Variants in TMEM163 observed in about 807,000 individuals in gnomAD.
TMEM163 encodes transmembrane protein 163.
A neutral mutation model predicts 29.3 loss-of-function variants in TMEM163; 17 were observed. The observed-to-expected ratio is 0.58, with a 90% CI of 0.40 to 0.87. The LOEUF is 0.87. TMEM163 is among the 40% of genes least tolerant of loss of function. TMEM163 has a pLI of 0.00. For missense variants in TMEM163, 303 were observed against 381.5 expected (o/e 0.79, Z 1.71); for synonymous variants, 157 against 160.6 (o/e 0.98, Z 0.17).
intron 2 of TMEM163, among the ~76,000 whole-genome samples, chr2:134,595,507 G>A (rs934562427): frequency 1.3e-5 from 2 of 152,120 alleles, no homozygotes; most frequent in African/African-American, 4.8e-5. Flanking sequence ...TCTTAATCCA[G>A]TCTATCATTT....
At chr2:134,712,458 C>A (rs35853750) in intron 2 of TMEM163, among the ~76,000 whole-genome samples, 37,985 of 151,114 alleles carry the variant, frequency 0.25, 5,892 homozygotes, top group African/African-American at 0.42. Flanking sequence ...GTCTTTCCCC[C>A]GCATCAAAAA....
chr2:134,718,967 C>A lies in TMEM163; in HGVS notation c.-32G>T. 2.9e-6 allele frequency: 3 copies of A among 1,028,878 alleles called. No individual in the cohort carries two copies. The highest frequency in any genetic ancestry group is 3.5e-6 in the Non-Finnish European group (3 of 860,010). 63.7% of individuals were successfully genotyped at this position (1,028,878 alleles called of 1,614,324 possible). A position where few individuals can be genotyped will look rare whatever the true frequency, so the allele number is the denominator to read the frequency against. ...GGGCTGCGGATCCCGGCGGCGGCGACGACAAGCGCGGCGGGGACTCGAGTC... is the reference window on the plus strand; with the variant it reads ...GGGCTGCGGATCCCGGCGGCGGCGAAGACAAGCGCGGCGGGGACTCGAGTC... On this transcript the variant is annotated 5_prime_UTR_variant, in exon 1 of 8. Transcript: ENST00000281924.
At chr2:134,540,862 C>A (rs550728481) in intron 4 of TMEM163, among the ~76,000 whole-genome samples, 3 of 152,322 alleles carry the variant, frequency 2.0e-5, no homozygotes, top group Admixed American at 2.0e-4. Context: ...ATAGTTAAGT[C>A]TTTCCTTCTG....
chr2:134,494,290 T>C (rs1679497123), intron 5 of TMEM163, among the ~76,000 whole-genome samples: 1 of 152,200 alleles, frequency 6.6e-6, no homozygotes, highest in South Asian at 2.1e-4. Flanking sequence ...CACAATGATT[T>C]CTGCTTCTCT....
intron 4 of TMEM163, among the ~76,000 whole-genome samples, chr2:134,526,935 C>T (rs773962253): frequency 6.6e-6 from 1 of 152,162 alleles, no homozygotes; most frequent in African/African-American, 2.4e-5. Flanking sequence ...AAAAACAGCA[C>T]GGTTCAGTAT....
At chr2:134,704,808 C>T (rs1396921071) in intron 2 of TMEM163, among the ~76,000 whole-genome samples, 1 of 152,122 alleles carries the variant, frequency 6.6e-6, no homozygotes, top group Non-Finnish European at 1.5e-5. Flanking sequence ...TCTGGTCCAC[C>T]CTTTCATTGA....
intron 2 of TMEM163, among the ~76,000 whole-genome samples, chr2:134,692,830 T>C (rs1386742181): frequency 6.6e-6 from 1 of 152,296 alleles, no homozygotes; most frequent in East Asian, 1.9e-4. Context: ...GCTTCACATA[T>C]TTATTTTGAG....
chr2:134,592,173 A>T (rs569955861), intron 2 of TMEM163, among the ~76,000 whole-genome samples: 2 of 152,192 alleles, frequency 1.3e-5, no homozygotes, highest in African/African-American at 4.8e-5. Flanking sequence ...TTGAGTTAAG[A>T]TAAGTGGGGA....
intron 2 of TMEM163, among the ~76,000 whole-genome samples, chr2:134,697,132 T>C (rs1684599798): frequency 7.2e-5 from 11 of 152,166 alleles, no homozygotes; most frequent in Admixed American, 7.2e-4. Context: ...ATAATATCTA[T>C]AAAGCTCTAT....
chr2:134,462,628 C>T (rs936630796), intron 6 of TMEM163, among the ~76,000 whole-genome samples: 2 of 152,332 alleles, frequency 1.3e-5, no homozygotes, highest in South Asian at 4.1e-4. Flanking sequence ...ATACTGCTTA[C>T]GTGTGTGATG....
chr2:134,535,017 C>T (rs905251382), intron 4 of TMEM163, among the ~76,000 whole-genome samples: 1 of 152,156 alleles, frequency 6.6e-6, no homozygotes, highest in Admixed American at 6.5e-5. Context: ...CCAGAAGAGA[C>T]TTGTCAACAG....
chr2:134,603,049 C>T (rs1299290059), intron 2 of TMEM163, among the ~76,000 whole-genome samples: 1 of 152,180 alleles, frequency 6.6e-6, no homozygotes, highest in African/African-American at 2.4e-5. Context: ...CCAAAAGATG[C>T]TGCCCCATGT....
intron 2 of TMEM163, among the ~76,000 whole-genome samples, chr2:134,683,804 G>C (rs1005210667): frequency 1.3e-5 from 2 of 152,186 alleles, no homozygotes; most frequent in African/African-American, 2.4e-5. Flanking sequence ...ATAGCAACTA[G>C]AGTGACTCAT....
At chr2:134,646,988 TACACTGTCA>T (rs1023889482) in intron 2 of TMEM163, among the ~76,000 whole-genome samples, 22 of 152,194 alleles carry the variant, frequency 1.4e-4, no homozygotes, top group African/African-American at 4.8e-4. Context: ...TTTCTCAGAA[TACACTGTCA>T]ACACTGACAA....
intron 2 of TMEM163, among the ~76,000 whole-genome samples, chr2:134,667,844 A>G (rs954768303): frequency 2.6e-5 from 4 of 152,196 alleles, no homozygotes; most frequent in African/African-American, 9.7e-5. Context: ...AGAAAAAGCA[A>G]CCCAATGGTC....
At chr2:134,653,674 G>T (rs1297381543) in intron 2 of TMEM163, among the ~76,000 whole-genome samples, 2 of 75,068 alleles carry the variant, frequency 2.7e-5, no homozygotes, top group Non-Finnish European at 5.1e-5. Context: ...GCTTTCTCTT[G>T]TGGGCATTTA....
chr2:134,639,488 C>T (rs1310473797), intron 2 of TMEM163, among the ~76,000 whole-genome samples: 6 of 152,136 alleles, frequency 3.9e-5, no homozygotes, highest in African/African-American at 1.2e-4. Context: ...GTAGCTTTTG[C>T]TTTCACTGGA....
At position 134,693,340 on chromosome 2, in the gene TMEM163, C is replaced by T. The variant is rs1684509773; in HGVS notation, c.322+19860G>A. Reference sequence around the variant, plus strand: ...ACTGAAACCTTTCCAGACGTGGTGGCTCATGCCTGTAATCCCAGCACTTTG... The same window carrying T: ...ACTGAAACCTTTCCAGACGTGGTGGTTCATGCCTGTAATCCCAGCACTTTG... On this transcript the variant is annotated intron_variant, in intron 2 of 7. Transcript: ENST00000281924. 1.3e-5 allele frequency among the ~76,000 whole-genome samples: 2 copies of T among 152,180 alleles called. 1 individual carries two copies. Among genetic ancestry groups the T allele is most frequent in the South Asian group, 4.1e-4 (2 of 4,824 alleles).
At chr2:134,535,313 C>T (rs1209424215) in intron 4 of TMEM163, among the ~76,000 whole-genome samples, 1 of 152,120 alleles carries the variant, frequency 6.6e-6, no homozygotes, top group Non-Finnish European at 1.5e-5. Context: ...CTGAAAATGC[C>T]AAGGAACAAA....
Sources: gnomAD v4.1 joint callset for allele counts (sites outside exome capture counted in the v4.1 genomes callset) on GRCh38, gnomAD v4.1.1 for gene constraint, MANE v1.5 for transcripts, NCBI Gene and HGNC (gene_info 2026-07-23, HGNC 2026-07-21) for gene names.